The following RAB35 variants were observed in gnomAD, a reference collection of about 807,000 sequenced individuals.
The protein encoded by RAB35 is RAB35, member RAS oncogene family.
Under a neutral mutation model 28.9 loss-of-function variants are expected in RAB35, and 4 were observed. That is an observed-to-expected ratio of 0.14 (90% CI 0.07 to 0.32). RAB35 has a LOEUF of 0.32. Ranked by LOEUF, RAB35 falls within the 10% of genes least tolerant of loss-of-function variation. RAB35 has a pLI of 1.00. For missense variants in RAB35, 128 were observed against 274.0 expected, an observed-to-expected ratio of 0.47 and a Z score of 3.76; for synonymous variants, 99 against 105.1, an observed-to-expected ratio of 0.94 and a Z score of 0.35.
intron 1 of RAB35, among the ~76,000 whole-genome samples, chr12:120,115,909 G>A (rs899694939): frequency 1.3e-4 from 20 of 152,178 alleles, no homozygotes; most frequent in African/African-American, 4.6e-4. Flanking sequence ...CCATAAGGCA[G>A]ATCCAACTAT....
intron 1 of RAB35, among the ~76,000 whole-genome samples, chr12:120,113,881 T>C (rs1404108590): frequency 6.6e-6 from 1 of 150,926 alleles, no homozygotes; most frequent in Admixed American, 6.6e-5. Context: ...GATGCAGAGA[T>C]TGAGGGAATC....
At position 120,114,477 on chromosome 12, in the gene RAB35, G is replaced by C. The variant is rs11065023; in HGVS notation, c.52+2122C>G. On this transcript the variant is annotated intron_variant, in intron 1 of 5. Transcript: ENST00000229340. ...GTGAAATCGTTCAACATATCTTAAG[G>C]AGGCATTCACACAAGGAGCCCAGTT... Among the ~76,000 whole-genome samples, 145 of 152,328 alleles carry C rather than the reference G, an allele frequency of 9.5e-4. 1 individual carries two copies. In the East Asian group the frequency reaches 0.017, roughly 18 times the overall value.
rs117880995 is a variant in RAB35 at position 120,103,509 on chromosome 12, T to A, written c.227+317A>T. ...CTTCGCAACCCCCTAGCGAGGCAAA[T>A]GCTATTCTGCTCTCTCTGTAAGGTG... On this transcript the variant is annotated intron_variant, in intron 3 of 5. Transcript: ENST00000229340. The surrounding 1 kb of genome is among the most constrained non-coding windows in gnomAD (Gnocchi z 6.1). Among the ~76,000 whole-genome samples, 3 of 152,268 alleles carry A rather than the reference T, an allele frequency of 2.0e-5. No homozygotes were observed. Among genetic ancestry groups the A allele is most frequent in the Non-Finnish European group, 4.4e-5 (3 of 68,020 alleles).
Position 120,111,094 on chromosome 12 carries a change from G to A in RAB35, c.53-2627C>T, listed in dbSNP as rs114876398. Among the ~76,000 whole-genome samples the A allele has an allele frequency of 4.2e-3, 641 of 152,340 alleles. 7 individuals are homozygous for A. Among genetic ancestry groups the A allele is most frequent in the African/African-American group, 0.015 (613 of 41,574 alleles). On this transcript the variant is annotated intron_variant, in intron 1 of 5. Coordinates refer to ENST00000229340, the MANE Select transcript of RAB35 (RefSeq NM_006861.7). Reference sequence around the variant, plus strand: ...GCCCTGTGCATTCACAGTGCTGTAAGCCAGGCCCAGCACTTAGTAGGTGCC... The same window carrying A: ...GCCCTGTGCATTCACAGTGCTGTAAACCAGGCCCAGCACTTAGTAGGTGCC...
Position 120,096,883 on chromosome 12 carries a change from G to A in RAB35, c.*362C>T. On this transcript the variant is annotated 3_prime_UTR_variant, in exon 6 of 6. Coordinates refer to ENST00000229340, the MANE Select transcript of RAB35 (RefSeq NM_006861.7). ...GGGAGGGGCGCGGGGAGGGTCTGTT[G>A]CAGCAGGCTGGCATCAAGAAGGCAA... 1 of 1,312,058 alleles carries A rather than the reference G, an allele frequency of 7.6e-7. No individual in the cohort carries two copies. Among genetic ancestry groups the A allele is most frequent in the Non-Finnish European group, 1.0e-6 (1 of 1,003,814 alleles). 81.3% of individuals were successfully genotyped at this position (1,312,058 alleles called of 1,614,324 possible). A position where few individuals can be genotyped will look rare whatever the true frequency, so the allele number is the denominator to read the frequency against.
chr12:120,113,694 T>C (rs1430060057), intron 1 of RAB35, among the ~76,000 whole-genome samples: 1 of 151,900 alleles, frequency 6.6e-6, no homozygotes, highest in Non-Finnish European at 1.5e-5. Flanking sequence ...GGTGGGCACC[T>C]GTAGTCCCAC....
chr12:120,108,398 A>C lies in RAB35; in HGVS notation c.103+19T>G. The C allele has an allele frequency of 6.2e-7, 1 of 1,605,586 alleles. No homozygotes were observed. Among genetic ancestry groups the C allele is most frequent in the Non-Finnish European group, 8.5e-7 (1 of 1,172,244 alleles). On this transcript the variant is annotated intron_variant, in intron 2 of 5. Coordinates refer to ENST00000229340, the MANE Select transcript of RAB35 (RefSeq NM_006861.7). The stretch of plus-strand genomic sequence containing the variant: ...CAAACAAAAACGACACCCCAGCAGC[A>C]CTGCAGGGGAGGACTCACCTGAGAA...
rs747474844 is a variant in RAB35, at chr12:120,108,399, C to G, written c.103+18G>C. 2 of 1,608,970 alleles carry G rather than the reference C, an allele frequency of 1.2e-6. No individual in the cohort carries two copies. The highest frequency in any genetic ancestry group is 2.2e-5 in the South Asian group (2 of 90,968). On this transcript the variant is annotated intron_variant, in intron 2 of 5. Coordinates refer to ENST00000229340, the MANE Select transcript of RAB35 (RefSeq NM_006861.7). ...AAACAAAAACGACACCCCAGCAGCACTGCAGGGGAGGACTCACCTGAGAAA... is the reference window on the plus strand; with the variant it reads ...AAACAAAAACGACACCCCAGCAGCAGTGCAGGGGAGGACTCACCTGAGAAA...
intron 1 of RAB35, among the ~76,000 whole-genome samples, chr12:120,114,339 C>T (rs1281746782): frequency 6.6e-6 from 1 of 152,218 alleles, no homozygotes; most frequent in Admixed American, 6.5e-5. Flanking sequence ...GTGATCTGCC[C>T]GCCTTGGCCT....
At chr12:120,105,615 G>T (rs902236954) in intron 2 of RAB35, among the ~76,000 whole-genome samples, 5 of 152,092 alleles carry the variant, frequency 3.3e-5, no homozygotes, top group Admixed American at 3.3e-4. Context: ...ACGCAGGATA[G>T]CCCCACAACA....
chr12:120,101,743 C>CGGCAGCAGGGGCCT (rs1271158417), intron 3 of RAB35, among the ~76,000 whole-genome samples: 3 of 124,714 alleles, frequency 2.4e-5, no homozygotes, highest in South Asian at 2.1e-4. Flanking sequence ...ACACGTGGGA[C>CGGCAGCAGGGGCCT]GGCAGCAGGG....
chr12:120,107,234 G>A (rs928548298), intron 2 of RAB35, among the ~76,000 whole-genome samples: 22 of 151,798 alleles, frequency 1.4e-4, no homozygotes, highest in Admixed American at 3.9e-4. Flanking sequence ...TGATCCACCC[G>A]CCTCGGCCTC....
intron 1 of RAB35, among the ~76,000 whole-genome samples, 190 bp downstream of exon 1, chr12:120,116,409 C>A (rs1289437055): frequency 1.3e-5 from 2 of 151,818 alleles, no homozygotes; most frequent in Admixed American, 1.3e-4. Flanking sequence ...TTGGCCCCTC[C>A]GCCCCGCGCC....
At chr12:120,104,292 T>C (rs1431261361) in intron 2 of RAB35, among the ~76,000 whole-genome samples, 1 of 152,048 alleles carries the variant, frequency 6.6e-6, no homozygotes, top group Admixed American at 6.6e-5. Flanking sequence ...CTGAGAATGG[T>C]AGACCTACGG....
intron 2 of RAB35, among the ~76,000 whole-genome samples, chr12:120,104,689 G>A (rs994784543): frequency 2.0e-5 from 3 of 152,180 alleles, no homozygotes; most frequent in African/African-American, 7.2e-5. Context: ...TGTCGCCCAG[G>A]CTGGAGTGAA....
chr12:120,113,817 C>CA (rs60143564), intron 1 of RAB35, among the ~76,000 whole-genome samples: 17,504 of 112,550 alleles, frequency 0.16, 1,390 homozygotes, highest in East Asian at 0.48. Flanking sequence ...GACTCCGTCT[C>CA]AAAAAAAAAA....
chr12:120,099,234 G>C, intron 3 of RAB35, 80 bp from the exon 4 acceptor site: 3 of 1,575,452 alleles, frequency 1.9e-6, no homozygotes, highest in Non-Finnish European at 2.6e-6. Flanking sequence ...CCCACGTCAG[G>C]ACACTGACCC....
chr12:120,105,649 C>T (rs183433185), intron 2 of RAB35, among the ~76,000 whole-genome samples: 44 of 151,348 alleles, frequency 2.9e-4, no homozygotes, highest in Admixed American at 5.9e-4. Flanking sequence ...CCAGACCCGG[C>T]GCGCTGGCTC....
At chr12:120,105,646 C>T (rs1008605296) in intron 2 of RAB35, among the ~76,000 whole-genome samples, 7 of 151,194 alleles carry the variant, frequency 4.6e-5, no homozygotes, top group African/African-American at 1.5e-4. Context: ...GGCCCAGACC[C>T]GGCGCGCTGG....
Sources: allele counts gnomAD v4.1 joint callset (sites outside exome capture counted in the v4.1 genomes callset), GRCh38; gene constraint gnomAD v4.1.1; non-coding constraint Gnocchi (gnomAD v3.1); transcripts MANE v1.5; gene names NCBI Gene and HGNC (gene_info 2026-07-23, HGNC 2026-07-21).